SLC35F1: variants seen among roughly 807,000 people sequenced by gnomAD.
SLC35F1 encodes the protein chromosome 6 open reading frame 169.
A neutral mutation model predicts 48.7 loss-of-function variants in SLC35F1; 14 were observed. The ratio of observed to expected loss-of-function variants is 0.29; its 90% CI spans 0.19 to 0.45. The LOEUF is 0.45. SLC35F1 is among the 20% of genes least tolerant of loss of function. The probability of loss-of-function intolerance (pLI) is 1.00; values close to 1 mark genes in which losing one functional copy is unlikely to be tolerated. For missense variants in SLC35F1, 404 were observed against 500.0 expected, an observed-to-expected ratio of 0.81 and a Z score of 1.83; for synonymous variants, 190 against 202.2, an observed-to-expected ratio of 0.94 and a Z score of 0.51.
intron 2 of SLC35F1, among the ~76,000 whole-genome samples, chr6:118,216,086 GTTT>G (rs869073333): frequency 9.1e-6 from 1 of 109,856 alleles, no homozygotes; most frequent in Admixed American, 1.1e-4. Flanking sequence ...TTTGTTTTTT[GTTT>G]TTTTTTTTTT....
chr6:118,126,268 C>A (rs1286504074), intron 1 of SLC35F1, among the ~76,000 whole-genome samples: 12 of 152,016 alleles, frequency 7.9e-5, no homozygotes, highest in Admixed American at 6.6e-4. Context: ...TAGGAAATAA[C>A]CTGCCATAGA....
At chr6:118,092,360 C>T (rs1773087197) in intron 1 of SLC35F1, among the ~76,000 whole-genome samples, 1 of 152,156 alleles carries the variant, frequency 6.6e-6, no homozygotes, top group Non-Finnish European at 1.5e-5. Flanking sequence ...GGTTTGGCAA[C>T]CTCCACCTAG....
chr6:118,278,034 T>C (rs1775938839), intron 6 of SLC35F1, among the ~76,000 whole-genome samples: 1 of 152,174 alleles, frequency 6.6e-6, no homozygotes, highest in Non-Finnish European at 1.5e-5. Context: ...ACGAAAGAAA[T>C]GGTTAATTGG....
chr6:118,034,312 C>A (rs1294992338), intron 1 of SLC35F1, among the ~76,000 whole-genome samples: 1 of 151,974 alleles, frequency 6.6e-6, no homozygotes, highest in African/African-American at 2.4e-5. Context: ...AATCCCAGCA[C>A]TTTGGGAGGC....
At chr6:117,940,595 G>T (rs916053452) in intron 1 of SLC35F1, among the ~76,000 whole-genome samples, 3 of 152,026 alleles carry the variant, frequency 2.0e-5, no homozygotes, top group Non-Finnish European at 4.4e-5. Flanking sequence ...ATCAACCTGT[G>T]TTCCGCAACA....
intron 2 of SLC35F1, among the ~76,000 whole-genome samples, chr6:118,197,826 C>T (rs367682298): frequency 2.0e-5 from 3 of 152,046 alleles, no homozygotes; most frequent in East Asian, 1.9e-4. Context: ...CTGAAACAGC[C>T]GGTTCCCCAC....
intron 2 of SLC35F1, among the ~76,000 whole-genome samples, chr6:118,155,528 A>G (rs1220800375): frequency 2.0e-5 from 3 of 152,162 alleles, no homozygotes; most frequent in Non-Finnish European, 4.4e-5. Flanking sequence ...TGCCGCGAAA[A>G]GGCCCTCACC....
intron 2 of SLC35F1, among the ~76,000 whole-genome samples, chr6:118,184,246 T>G (rs574714362): frequency 7.2e-5 from 11 of 152,296 alleles, no homozygotes; most frequent in African/African-American, 2.6e-4. Flanking sequence ...TGTGCCAGTG[T>G]CCTGGAAAAA....
chr6:118,014,547 A>T (rs1777294160), intron 1 of SLC35F1, among the ~76,000 whole-genome samples: 1 of 151,788 alleles, frequency 6.6e-6, no homozygotes, highest in African/African-American at 2.4e-5. Context: ...CTTCTCTACA[A>T]CTCTTTAAAA....
chr6:118,022,920 CT>C (rs1026525945), intron 1 of SLC35F1, among the ~76,000 whole-genome samples: 1 of 151,572 alleles, frequency 6.6e-6, no homozygotes, highest in African/African-American at 2.4e-5. Context: ...CGGGCTAATT[CT>C]TTTTTTTCTT....
intron 1 of SLC35F1, among the ~76,000 whole-genome samples, chr6:118,066,326 G>A (rs1163115533): frequency 6.6e-6 from 1 of 152,084 alleles, no homozygotes; most frequent in Admixed American, 6.6e-5. Context: ...ACAAAATTAC[G>A]TCCTTTAACA....
intron 6 of SLC35F1, among the ~76,000 whole-genome samples, chr6:118,277,966 G>A (rs2114633402): frequency 6.6e-6 from 1 of 152,304 alleles, no homozygotes; most frequent in East Asian, 1.9e-4. Context: ...GCCATGAAAG[G>A]AAACAATGTA....
intron 1 of SLC35F1, among the ~76,000 whole-genome samples, chr6:117,945,700 C>T (rs1224660692): frequency 1.3e-5 from 2 of 152,136 alleles, no homozygotes; most frequent in South Asian, 2.1e-4. Flanking sequence ...CTGTCTTTTC[C>T]CCACTGATGC....
chr6:118,299,058 G>C (rs150566004), intron 7 of SLC35F1, among the ~76,000 whole-genome samples: 1 of 152,050 alleles, frequency 6.6e-6, no homozygotes, highest in Non-Finnish European at 1.5e-5. Flanking sequence ...GCATGCACCT[G>C]TGGTCCCAGA....
At chr6:118,099,036 T>C (rs1773219384) in intron 1 of SLC35F1, among the ~76,000 whole-genome samples, 1 of 152,168 alleles carries the variant, frequency 6.6e-6, no homozygotes, top group South Asian at 2.1e-4. Context: ...GAAAGTTGCA[T>C]TAGGAAATGT....
intron 1 of SLC35F1, among the ~76,000 whole-genome samples, chr6:118,073,501 T>C (rs1259885405): frequency 1.3e-5 from 2 of 152,212 alleles, no homozygotes; most frequent in African/African-American, 4.8e-5. Flanking sequence ...GTATTCACTG[T>C]TATTAGTTAT....
chr6:118,076,229 T>C (rs917753303), intron 1 of SLC35F1, among the ~76,000 whole-genome samples: 2 of 152,218 alleles, frequency 1.3e-5, no homozygotes, highest in African/African-American at 4.8e-5. Context: ...TATCTGATGG[T>C]ATTTGATGCT....
chr6:118,085,535 TC>T (rs1772977209), intron 1 of SLC35F1, among the ~76,000 whole-genome samples: 1 of 132,790 alleles, frequency 7.5e-6, no homozygotes, highest in African/African-American at 2.8e-5. Context: ...CCTCACTCTG[TC>T]TCCCAGGCTG....
intron 1 of SLC35F1, among the ~76,000 whole-genome samples, chr6:117,962,732 G>C (rs1259678851): frequency 6.6e-6 from 1 of 152,212 alleles, no homozygotes; most frequent in African/African-American, 2.4e-5. Flanking sequence ...GGGGATCAAA[G>C]AAGAAAGTGT....
Sources: allele counts gnomAD v4.1 joint callset (sites outside exome capture counted in the v4.1 genomes callset), GRCh38; gene constraint gnomAD v4.1.1; transcripts MANE v1.5; gene names NCBI Gene and HGNC (gene_info 2026-07-23, HGNC 2026-07-21).